Variants in GNG7 observed in about 807,000 individuals in gnomAD.
GNG7 encodes the protein guanine nucleotide-binding protein G(I)/G(S)/G(O) subunit gamma-7.
Under a neutral mutation model 4.0 loss-of-function variants are expected in GNG7, and 1 was observed. The observed-to-expected ratio is 0.25, with a 90% confidence interval of 0.09 to 1.18. GNG7 has a LOEUF of 1.18. GNG7 is among the 50% of genes most tolerant of loss of function. The pLI, the probability that GNG7 is intolerant of heterozygous loss-of-function variation, is 0.50. For missense variants in GNG7, 86 were observed against 91.9 expected (o/e 0.94, Z 0.26); for synonymous variants, 34 against 36.9 (o/e 0.92, Z 0.29).
At chr19:2,660,390 C>T (rs1427695427) in intron 1 of GNG7, among the ~76,000 whole-genome samples, 5 of 152,166 alleles carry the variant, frequency 3.3e-5, no homozygotes, top group Non-Finnish European at 1.5e-5. Context: ...CCTCCTGCTC[C>T]AAAACCACAG....
At chr19:2,521,585 G>T (rs896262910) in intron 3 of GNG7, among the ~76,000 whole-genome samples, 4 of 144,982 alleles carry the variant, frequency 2.8e-5, no homozygotes, top group Non-Finnish European at 6.0e-5. Context: ...GATCACAGCA[G>T]AACCCCTGGT....
In GNG7 at chr19:2,587,559, G is replaced by A. The variant is rs573991141; in HGVS notation, c.-77-32371C>T. Among the ~76,000 whole-genome samples the A allele has an allele frequency of 3.2e-3, 490 of 152,246 alleles. 4 individuals carry two copies. Among genetic ancestry groups the A allele is most frequent in the African/African-American group, 0.011 (467 of 41,548 alleles). ...CCGGCGTCAGCTCGGGGGTCGGTAC[G>A]CAGGCGGCCACCTTGTAACGGCCAC... On this transcript the variant is annotated intron_variant, in intron 2 of 4. Transcript: ENST00000382159.
intron 1 of GNG7, among the ~76,000 whole-genome samples, chr19:2,660,624 G>C (rs1983120177): frequency 2.6e-5 from 4 of 151,910 alleles, no homozygotes; most frequent in Admixed American, 2.6e-4. Context: ...ACCACCATCT[G>C]TACAAAAAAT....
chr19:2,556,033 C>T (rs898087608), intron 2 of GNG7, among the ~76,000 whole-genome samples: 1 of 152,252 alleles, frequency 6.6e-6, no homozygotes, highest in Admixed American at 6.5e-5. Flanking sequence ...CAGCGATCTG[C>T]CCCCTCCAGC....
chr19:2,546,234 AC>A lies in GNG7; in HGVS notation c.-38+8914del, dbSNP rs1979121122. On this transcript the variant is annotated intron_variant, in intron 3 of 4. Coordinates refer to ENST00000382159, the MANE Select transcript of GNG7 (RefSeq NM_052847.3). The surrounding 1 kb of genome is among the most constrained non-coding windows in gnomAD (Gnocchi z 6.3). ...CCACACCTGCTGCCCGCTCCACAGA[AC>A]CCCAGGGCCCCCTCAGCAACCAGGG... is the stretch of plus-strand genomic sequence containing the variant. 6.6e-6 allele frequency among the ~76,000 whole-genome samples: 1 copy of A among 152,096 alleles called. No homozygotes were observed. The highest frequency in any genetic ancestry group is 2.4e-5 in the African/African-American group (1 of 41,412).
intron 1 of GNG7, among the ~76,000 whole-genome samples, chr19:2,655,979 C>A (rs781763005): frequency 2.8e-5 from 4 of 143,532 alleles, no homozygotes; most frequent in Non-Finnish European, 6.0e-5. Context: ...GAGCCAGGAT[C>A]GTGCCACTGC....
intron 1 of GNG7, among the ~76,000 whole-genome samples, chr19:2,697,518 C>A (rs1202985043): frequency 2.0e-5 from 3 of 152,298 alleles, no homozygotes; most frequent in East Asian, 3.9e-4. Context: ...ACCATGAACA[C>A]TTTTCTCTAA....
At chr19:2,665,636 G>A (rs892112164) in intron 1 of GNG7, among the ~76,000 whole-genome samples, 4 of 152,258 alleles carry the variant, frequency 2.6e-5, no homozygotes, top group East Asian at 1.9e-4. Context: ...CTGACTTCAC[G>A]ACTCGCTGTC....
chr19:2,687,443 C>T (rs190765853), intron 1 of GNG7, among the ~76,000 whole-genome samples: 38 of 151,532 alleles, frequency 2.5e-4, no homozygotes, highest in African/African-American at 8.0e-4. Context: ...ATGGAGAAAC[C>T]CTGCCTCTAC....
intron 1 of GNG7, among the ~76,000 whole-genome samples, chr19:2,683,108 G>A (rs918995395): frequency 2.6e-5 from 4 of 151,954 alleles, no homozygotes; most frequent in Non-Finnish European, 5.9e-5. Flanking sequence ...GCGTGCTGGC[G>A]CATGCCTGTA....
chr19:2,630,941 T>C (rs1170663226), intron 2 of GNG7: 3 of 152,070 alleles, frequency 2.0e-5, no homozygotes, highest in Non-Finnish European at 2.9e-5. Flanking sequence ...AACTTATTCA[T>C]ACACAAGGGT....
intron 2 of GNG7, among the ~76,000 whole-genome samples, chr19:2,627,603 G>A (rs1982052992): frequency 6.6e-6 from 1 of 152,230 alleles, no homozygotes; most frequent in Non-Finnish European, 1.5e-5. Flanking sequence ...TGGGCCAGAG[G>A]GTGACTGGCT....
intron 2 of GNG7, among the ~76,000 whole-genome samples, chr19:2,620,339 C>T (rs1981836364): frequency 6.6e-6 from 1 of 151,830 alleles, no homozygotes; most frequent in Admixed American, 6.6e-5. Context: ...CCCGACCCCT[C>T]TCTCTGCAGG....
intron 1 of GNG7, among the ~76,000 whole-genome samples, chr19:2,677,892 G>A (rs1035494981): frequency 6.6e-6 from 1 of 152,190 alleles, no homozygotes; most frequent in African/African-American, 2.4e-5. Context: ...CTCAGAGAAC[G>A]ATCTGGCCCC....
At chr19:2,602,342 A>AACC (rs112521613) in intron 2 of GNG7, among the ~76,000 whole-genome samples, 1,533 of 151,926 alleles carry the variant, frequency 0.01, 22 homozygotes, top group African/African-American at 0.035. Flanking sequence ...GTCTCAAAAC[A>AACC]ACAACAGAAA....
chr19:2,669,525 A>G (rs1386139343), intron 1 of GNG7, among the ~76,000 whole-genome samples: 2 of 152,022 alleles, frequency 1.3e-5, no homozygotes, highest in Non-Finnish European at 2.9e-5. Flanking sequence ...AAACAAACAA[A>G]AAAACTACCA....
At chr19:2,665,519 T>C (rs1983288692) in intron 1 of GNG7, among the ~76,000 whole-genome samples, 1 of 152,204 alleles carries the variant, frequency 6.6e-6, no homozygotes, top group African/African-American at 2.4e-5. Context: ...CGGATTTCTA[T>C]TTCCCCTCAA....
chr19:2,700,055 C>A (rs1329249723), intron 1 of GNG7, among the ~76,000 whole-genome samples: 1 of 151,552 alleles, frequency 6.6e-6, no homozygotes, highest in East Asian at 1.9e-4. Flanking sequence ...GAAACAGGCT[C>A]CATATTTGAG....
intron 2 of GNG7, among the ~76,000 whole-genome samples, chr19:2,559,150 A>G (rs1479326164): frequency 1.3e-5 from 2 of 151,996 alleles, no homozygotes; most frequent in Non-Finnish European, 2.9e-5. Context: ...ACACACACAC[A>G]CATATATATA....
Sources: gnomAD v4.1 joint callset for allele counts (sites outside exome capture counted in the v4.1 genomes callset) on GRCh38, gnomAD v4.1.1 for gene constraint, Gnocchi (gnomAD v3.1) non-coding constraint, MANE v1.5 for transcripts, NCBI Gene and HGNC (gene_info 2026-07-23, HGNC 2026-07-21) for gene names.